SLC5A1: variants seen among roughly 807,000 people sequenced by gnomAD.
SLC5A1 encodes sodium/glucose cotransporter 1.
In SLC5A1, 42 loss-of-function variants were observed where a neutral mutation model predicts 73.5. That is an observed-to-expected ratio of 0.57 (90% CI 0.45 to 0.74). The LOEUF is 0.74. SLC5A1 is among the 30% of genes least tolerant of loss of function. The probability of loss-of-function intolerance (pLI) is 0.00; values close to 1 mark genes in which losing one functional copy is unlikely to be tolerated. For missense variants in SLC5A1, 634 were observed against 855.4 expected, an observed-to-expected ratio of 0.74 and a Z score of 3.23; for synonymous variants, 300 against 317.4, an observed-to-expected ratio of 0.95 and a Z score of 0.58.
intron 2 of SLC5A1, among the ~76,000 whole-genome samples, chr22:32,051,205 A>C (rs1200539489): frequency 6.6e-6 from 1 of 152,208 alleles, no homozygotes; most frequent in Non-Finnish European, 1.5e-5. Context: ...AAGCATTCCA[A>C]AGGGCAGGGA....
At chr22:32,100,590 A>AT (rs953427860) in intron 12 of SLC5A1, among the ~76,000 whole-genome samples, 5 of 151,908 alleles carry the variant, frequency 3.3e-5, no homozygotes, top group East Asian at 1.9e-4. Context: ...AAATTTATTG[A>AT]TTTTTTTTGA....
intron 13 of SLC5A1, 68 bp from the exon 14 acceptor site, chr22:32,104,718 C>T (rs2094042066): frequency 5.8e-6 from 7 of 1,198,916 alleles, no homozygotes; most frequent in Non-Finnish European, 8.6e-6. Flanking sequence ...TATCTCTTTG[C>T]CCCCCCAACT....
intron 5 of SLC5A1, among the ~76,000 whole-genome samples, chr22:32,079,582 T>C (rs1470434223): frequency 3.3e-5 from 5 of 152,314 alleles, no homozygotes; most frequent in African/African-American, 1.2e-4. Context: ...CATAAAGCAT[T>C]AAAAATTAAC....
intron 1 of SLC5A1, among the ~76,000 whole-genome samples, chr22:32,046,233 C>G (rs1368984987): frequency 6.6e-6 from 1 of 152,140 alleles, no homozygotes; most frequent in Non-Finnish European, 1.5e-5. Context: ...CTTATGATGC[C>G]AAAGCCAATG....
chr22:32,099,097 A>ATATATAT (rs1166860240), intron 11 of SLC5A1, 86 bp from the exon 12 acceptor site: 1 of 161,698 alleles, frequency 6.2e-6, no homozygotes, highest in East Asian at 2.2e-4. Context: ...AAAAAAAAAA[A>ATATATAT]AAAAAAAAAT....
In SLC5A1 at chr22:32,112,037, C is replaced by T. The variant is rs1157645787; in HGVS notation, c.*1824C>T. On this transcript the variant is annotated 3_prime_UTR_variant, in exon 15 of 15. Transcript: ENST00000266088. ...CAACCTGAGGAGAAGGCTCAGAGTA[C>T]AGATATACCCCGAGCAACGTGATCA... The T allele has an allele frequency of 6.6e-6, 1 of 152,158 alleles. No individual in the cohort carries two copies. Among genetic ancestry groups the T allele is most frequent in the East Asian group, 1.9e-4 (1 of 5,192 alleles). 9.4% of individuals were successfully genotyped at this position (152,158 alleles called of 1,614,324 possible). A position where few individuals can be genotyped will look rare whatever the true frequency, so the allele number is the denominator to read the frequency against.
chr22:32,059,099 G>A, intron 2 of SLC5A1: 1 of 985,440 alleles, frequency 1.0e-6, no homozygotes, highest in Non-Finnish European at 1.2e-6. Flanking sequence ...AAGCAGGACT[G>A]GATTGCAGAG....
intron 10 of SLC5A1, among the ~76,000 whole-genome samples, chr22:32,086,730 T>C (rs2094009004): frequency 6.6e-6 from 1 of 152,182 alleles, no homozygotes; most frequent in Admixed American, 6.5e-5. Context: ...TATGATCTAG[T>C]AATCCCATGA....
chr22:32,068,473 G>A lies in SLC5A1; in HGVS notation c.373-23G>A, dbSNP rs33933259. On this transcript the variant is annotated intron_variant, in intron 4 of 14. Coordinates refer to ENST00000266088, the MANE Select transcript of SLC5A1 (RefSeq NM_000343.4). ...CCCTCTGGTCACTGTGGCTGGCAGT[G>A]ACCTCCCTCGCACCCCATGCAGGTG... 1.1e-5 allele frequency: 17 copies of A among 1,520,558 alleles called. No homozygotes were observed. In the South Asian group the frequency reaches 1.8e-4, roughly 16 times the overall value. The allele number at this position is 1,520,558 out of a possible 1,614,324, so 94.2% of individuals were successfully genotyped here.
intron 2 of SLC5A1, among the ~76,000 whole-genome samples, chr22:32,057,231 C>T (rs1277921892): frequency 6.6e-6 from 1 of 152,192 alleles, no homozygotes; most frequent in Non-Finnish European, 1.5e-5. Flanking sequence ...CTGGCTGCCT[C>T]TGATTGTGAA....
At chr22:32,068,621 G>A (rs1371098361) in intron 5 of SLC5A1, 21 bp downstream of exon 5, 4 of 1,526,490 alleles carry the variant, frequency 2.6e-6, no homozygotes, top group Admixed American at 3.3e-5. Context: ...TGCCCCAGAG[G>A]GCTGGGCTGT....
At chr22:32,084,742 T>G in intron 8 of SLC5A1, 83 bp downstream of exon 8, 2 of 1,517,514 alleles carry the variant, frequency 1.3e-6, no homozygotes, top group Non-Finnish European at 1.8e-6. Flanking sequence ...TTTGCAGGGT[T>G]GGGACAGGGA....
intron 1 of SLC5A1, among the ~76,000 whole-genome samples, chr22:32,046,543 C>G (rs114921262): frequency 6.6e-6 from 1 of 152,124 alleles, no homozygotes; most frequent in African/African-American, 2.4e-5. Flanking sequence ...TGGGCTCAGA[C>G]GCGATGTCCT....
chr22:32,067,058 A>G lies in SLC5A1; in HGVS notation c.312+19A>G, dbSNP rs1263267921. 1.3e-6 allele frequency: 2 copies of G among 1,548,134 alleles called. No homozygotes were observed. Among genetic ancestry groups the G allele is most frequent in the Non-Finnish European group, 8.9e-7 (1 of 1,120,624 alleles). ...ATGGAATGTGAGTAACACTGCAGCC[A>G]TGGTGCACTGGGGCTGGAAGGAGCC... On this transcript the variant is annotated intron_variant, in intron 3 of 14. Coordinates refer to ENST00000266088, the MANE Select transcript of SLC5A1 (RefSeq NM_000343.4).
chr22:32,079,158 C>T (rs1023733605), intron 5 of SLC5A1, among the ~76,000 whole-genome samples: 3 of 151,982 alleles, frequency 2.0e-5, no homozygotes, highest in Admixed American at 1.3e-4. Context: ...AAAAACAACC[C>T]TAGTGGGTTT....
chr22:32,076,791 G>A (rs752937945), intron 5 of SLC5A1, among the ~76,000 whole-genome samples: 9 of 152,234 alleles, frequency 5.9e-5, no homozygotes, highest in Non-Finnish European at 1.3e-4. Flanking sequence ...CCAAGGCGAA[G>A]CAACATGCCC....
chr22:32,063,528 A>G (rs1310815625), intron 2 of SLC5A1, among the ~76,000 whole-genome samples: 1 of 152,162 alleles, frequency 6.6e-6, no homozygotes, highest in African/African-American at 2.4e-5. Context: ...AAACCTTGCT[A>G]TATTCCTAAG....
In SLC5A1 at chr22:32,084,452, G is replaced by A; in HGVS notation, c.678G>A (p.Val226=). Residue 226 remains valine (V), a synonymous_variant, in exon 8 of 15, where the codon GTG becomes GTA. Coordinates refer to ENST00000266088, the MANE Select transcript of SLC5A1 (RefSeq NM_000343.4). The part of the protein sequence containing the change: ...LILTGFAFHE[V]GGYDAFMEKY... The stretch of plus-strand genomic sequence containing the variant: ...GATGTTTTCCAGCTTTTCACGAAGT[G>A]GGAGGCTATGACGCCTTCATGGAAA... 1 of 1,614,068 alleles carries A rather than the reference G, an allele frequency of 6.2e-7. No homozygotes were observed. The highest frequency in any genetic ancestry group is 1.3e-5 in the African/African-American group (1 of 75,080).
rs528629910 is a variant in SLC5A1, at chr22:32,071,258, C to T, written c.477+2658C>T. 3.8e-3 allele frequency among the ~76,000 whole-genome samples: 579 copies of T among 152,174 alleles called. 7 individuals are homozygous for T. Among genetic ancestry groups the T allele is most frequent in the African/African-American group, 0.014 (565 of 41,508 alleles). ...CGTGAGACCAGGAGTTTAAGATCAGCCTGGACAACATGGCAAGACCCTATA... is the reference window on the plus strand; with the variant it reads ...CGTGAGACCAGGAGTTTAAGATCAGTCTGGACAACATGGCAAGACCCTATA... On this transcript the variant is annotated intron_variant, in intron 5 of 14. Coordinates refer to ENST00000266088, the MANE Select transcript of SLC5A1 (RefSeq NM_000343.4).
Sources: allele counts gnomAD v4.1 joint callset (sites outside exome capture counted in the v4.1 genomes callset), GRCh38; gene constraint gnomAD v4.1.1; transcripts MANE v1.5; gene names NCBI Gene and HGNC (gene_info 2026-07-23, HGNC 2026-07-21).